LRRC1: variants seen among roughly 807,000 people sequenced by gnomAD.
LRRC1 encodes leucine rich repeat containing 1.
LRRC1 carries 28 observed loss-of-function variants against 69.9 expected under a neutral mutation model. The ratio of observed to expected loss-of-function variants is 0.40; its 90% CI spans 0.30 to 0.55. The LOEUF (loss-of-function observed/expected upper bound fraction) is 0.55. LRRC1 is among the 20% of genes least tolerant of loss of function. LRRC1 has a pLI of 0.47. For missense variants in LRRC1, 498 were observed against 609.0 expected, an observed-to-expected ratio of 0.82 and a Z score of 1.92; for synonymous variants, 236 against 240.2, an observed-to-expected ratio of 0.98 and a Z score of 0.16.
chr6:53,863,802 A>C (rs529078559), intron 2 of LRRC1, among the ~76,000 whole-genome samples: 1 of 152,306 alleles, frequency 6.6e-6, no homozygotes, highest in Admixed American at 6.5e-5. Flanking sequence ...TGATAATAAA[A>C]ATATATCACC....
intron 2 of LRRC1, among the ~76,000 whole-genome samples, chr6:53,862,121 T>C (rs1766545705): frequency 6.6e-6 from 1 of 152,216 alleles, no homozygotes; most frequent in African/African-American, 2.4e-5. Context: ...TCTAGAGAAT[T>C]CTGGTATGAA....
At chr6:53,809,728 A>T (rs1455209084) in intron 1 of LRRC1, among the ~76,000 whole-genome samples, 2 of 152,214 alleles carry the variant, frequency 1.3e-5, no homozygotes, top group East Asian at 3.8e-4. Flanking sequence ...GTTTCAATTC[A>T]CTGGTAGTTT....
At chr6:53,869,198 C>A (rs1383592539) in intron 2 of LRRC1, among the ~76,000 whole-genome samples, 1 of 151,730 alleles carries the variant, frequency 6.6e-6, no homozygotes, top group African/African-American at 2.4e-5. Flanking sequence ...GAGGCCTGAA[C>A]CAGGTTGATA....
At chr6:53,841,476 G>T (rs1195977155) in intron 1 of LRRC1, among the ~76,000 whole-genome samples, 1 of 151,914 alleles carries the variant, frequency 6.6e-6, no homozygotes, top group Non-Finnish European at 1.5e-5. Context: ...CTGTCTTCAT[G>T]GGCTTATTTC....
At chr6:53,876,003 C>G (rs528657354) in intron 2 of LRRC1, among the ~76,000 whole-genome samples, 2 of 152,052 alleles carry the variant, frequency 1.3e-5, no homozygotes, top group Non-Finnish European at 2.9e-5. Flanking sequence ...CACCACGGAC[C>G]GGTTTTGTGG....
At position 53,842,153 on chromosome 6, in the gene LRRC1, A is replaced by T. The variant is rs989558985; in HGVS notation, c.203A>T (p.Asp68Val). 6.2e-7 allele frequency: 1 copy of T among 1,614,100 alleles called. No homozygotes were observed. The highest frequency in any genetic ancestry group is 2.2e-5 in the East Asian group (1 of 44,872). ...LVKLRKLGLS[D>V]NEIQRLPPEI... Reference sequence around the variant, plus strand: ...AAATTACGAAAGCTTGGACTTAGTGATAATGAAATTCAGCGGCTCCCTCCA... The same window carrying T: ...AAATTACGAAAGCTTGGACTTAGTGTTAATGAAATTCAGCGGCTCCCTCCA... The change falls in exon 2 of 14, where the codon GAT (aspartate) becomes GTT (valine). Residue 68 changes from aspartate (D) to valine (V), a missense_variant. Physicochemically the swap from Asp to Val is radical, Grantham distance 152. Around this residue, in one of 3 missense-constraint regions of LRRC1, gnomAD observed 266 missense variants for 383.9 expected, o/e 0.69. Transcript: ENST00000370888.
Position 53,795,213 on chromosome 6 carries a change from G to C in LRRC1, c.-44G>C. On this transcript the variant is annotated 5_prime_UTR_variant, in exon 1 of 14. Transcript: ENST00000370888. ...CGGCCAGAGCGGGCTCGGAGCCCGG[G>C]TCTCCGCCGCTCGGGACCCGGCTAG... is the stretch of plus-strand genomic sequence containing the variant. The C allele has an allele frequency of 6.5e-7, 1 of 1,547,358 alleles. No homozygotes were observed. Among genetic ancestry groups the C allele is most frequent in the Non-Finnish European group, 8.7e-7 (1 of 1,150,804 alleles).
rs147785063 is a variant in LRRC1 at position 53,884,616 on chromosome 6, A to G, written c.446+1640A>G. On this transcript the variant is annotated intron_variant, in intron 4 of 13. Coordinates refer to ENST00000370888, the MANE Select transcript of LRRC1 (RefSeq NM_018214.5). ...AGGATGTCTGGAGTTTAATTCCCTT[A>G]TTACTCTCCCTTCCATTCATTCTTA... Among the ~76,000 whole-genome samples, 690 of 152,002 alleles carry G rather than the reference A, an allele frequency of 4.5e-3. 8 individuals carry two copies. Among genetic ancestry groups the G allele is most frequent in the East Asian group, 0.041 (213 of 5,164 alleles).
At chr6:53,844,215 T>C (rs1332506421) in intron 2 of LRRC1, among the ~76,000 whole-genome samples, 2 of 151,254 alleles carry the variant, frequency 1.3e-5, no homozygotes, top group African/African-American at 4.8e-5. Context: ...TTACCTAAGT[T>C]ATAAAGAATG....
At chr6:53,841,343 C>T (rs961314173) in intron 1 of LRRC1, among the ~76,000 whole-genome samples, 1 of 152,158 alleles carries the variant, frequency 6.6e-6, no homozygotes, top group African/African-American at 2.4e-5. Context: ...ATTGGCTACT[C>T]GCCCCACAGG....
chr6:53,884,616 A>T (rs147785063), intron 4 of LRRC1, among the ~76,000 whole-genome samples: 1 of 152,004 alleles, frequency 6.6e-6, no homozygotes, highest in East Asian at 1.9e-4. Flanking sequence ...TAATTCCCTT[A>T]TTACTCTCCC....
In LRRC1 at chr6:53,922,738, A is replaced by C. The variant is rs768328659; in HGVS notation, c.1520A>C (p.Asp507Ala). The change falls in exon 14 of 14, where the codon GAC becomes GCC. Residue 507 changes from aspartate (D) to alanine (A), a missense_variant. Physicochemically the swap from Asp to Ala is moderately radical, Grantham distance 126. This residue lies in a region of LRRC1 where 162 missense variants were observed against 162.9 expected (regional missense o/e 0.99). Transcript: ENST00000370888. ...RNDMNAAKGL[D>A]SNKNEVNHAI... ...GACATGAATGCTGCTAAAGGACTGG[A>C]CTCAAACAAAAACGAGGTCAATCAT... 3.2e-5 allele frequency: 52 copies of C among 1,613,982 alleles called. No homozygotes were observed. In the Admixed American group the frequency reaches 8.7e-4, roughly 27 times the overall value.
At chr6:53,879,352 A>G (rs1767185400) in intron 3 of LRRC1, among the ~76,000 whole-genome samples, 1 of 152,172 alleles carries the variant, frequency 6.6e-6, no homozygotes, top group African/African-American at 2.4e-5. Flanking sequence ...ATCAATGTGA[A>G]GAGTTGTAGT....
At chr6:53,859,346 C>T (rs1766420534) in intron 2 of LRRC1, among the ~76,000 whole-genome samples, 1 of 152,156 alleles carries the variant, frequency 6.6e-6, no homozygotes, top group Non-Finnish European at 1.5e-5. Flanking sequence ...CATTTTTCTA[C>T]CTCCTAAGGA....
chr6:53,818,818 A>G (rs1765028374), intron 1 of LRRC1, among the ~76,000 whole-genome samples: 1 of 152,214 alleles, frequency 6.6e-6, no homozygotes, highest in African/African-American at 2.4e-5. Flanking sequence ...GGTGGTGGAT[A>G]CTTAACCTCA....
chr6:53,880,751 C>T (rs184875494), intron 3 of LRRC1, among the ~76,000 whole-genome samples: 4 of 152,292 alleles, frequency 2.6e-5, no homozygotes, highest in Non-Finnish European at 2.9e-5. Context: ...ACCAAGACTC[C>T]TTGACTAACC....
At chr6:53,841,376 ATTTG>A (rs770821049) in intron 1 of LRRC1, among the ~76,000 whole-genome samples, 6 of 152,086 alleles carry the variant, frequency 3.9e-5, no homozygotes, top group Non-Finnish European at 7.4e-5. Context: ...CTTTGTTTCA[ATTTG>A]TTTGTTAGTT....
At chr6:53,881,486 C>T (rs1189377603) in intron 3 of LRRC1, among the ~76,000 whole-genome samples, 5 of 152,168 alleles carry the variant, frequency 3.3e-5, no homozygotes, top group Non-Finnish European at 7.4e-5. Context: ...TCAGGCAGAA[C>T]AGATAAGTTG....
chr6:53,828,516 C>T (rs1184617955), intron 1 of LRRC1, among the ~76,000 whole-genome samples: 10 of 152,236 alleles, frequency 6.6e-5, no homozygotes, highest in Non-Finnish European at 4.4e-5. Context: ...AGTTTAGGTC[C>T]ACCCTTCATT....
Sources: allele counts gnomAD v4.1 joint callset (sites outside exome capture counted in the v4.1 genomes callset), GRCh38; gene constraint gnomAD v4.1.1; regional missense constraint gnomAD v4.1.1; transcripts MANE v1.5; gene names NCBI Gene and HGNC (gene_info 2026-07-23, HGNC 2026-07-21).